Variants in CNTNAP5 observed in about 807,000 individuals in gnomAD.
CNTNAP5 encodes contactin-associated protein-like 5.
A neutral mutation model predicts 150.2 loss-of-function variants in CNTNAP5; 72 were observed. The observed-to-expected ratio is 0.48, with a 90% CI of 0.40 to 0.58. The LOEUF (loss-of-function observed/expected upper bound fraction) is 0.58. CNTNAP5 is among the 20% of genes least tolerant of loss of function. The pLI is 0.00. For synonymous variants in CNTNAP5, 672 were observed against 619.8 expected, an observed-to-expected ratio of 1.08 and a Z score of -1.25; for missense variants, 1,636 against 1,626.2, an observed-to-expected ratio of 1.01 and a Z score of -0.10.
chr2:124,187,762 T>G (rs747005515), intron 1 of CNTNAP5, among the ~76,000 whole-genome samples: 1 of 152,244 alleles, frequency 6.6e-6, no homozygotes. Flanking sequence ...TTTTTAGAGC[T>G]GATTCTGCTT....
At chr2:124,732,398 A>C (rs1377717146) in intron 13 of CNTNAP5, among the ~76,000 whole-genome samples, 4 of 152,144 alleles carry the variant, frequency 2.6e-5, no homozygotes, top group Admixed American at 2.6e-4. Context: ...GTGTGATGGC[A>C]TAAGAAGGTG....
At chr2:124,180,968 T>C (rs1685193487) in intron 1 of CNTNAP5, among the ~76,000 whole-genome samples, 1 of 151,760 alleles carries the variant, frequency 6.6e-6, no homozygotes, top group Non-Finnish European at 1.5e-5. Context: ...AGGTCAGAGA[T>C]ACCCAAGGCC....
intron 1 of CNTNAP5, among the ~76,000 whole-genome samples, chr2:124,103,170 A>T (rs1386433666): frequency 6.6e-6 from 1 of 152,152 alleles, no homozygotes; most frequent in Admixed American, 6.5e-5. Flanking sequence ...AAATAGAAAA[A>T]AGTCTTACAA....
chr2:124,496,715 C>G (rs889300217), intron 7 of CNTNAP5, among the ~76,000 whole-genome samples: 1 of 152,190 alleles, frequency 6.6e-6, no homozygotes, highest in Admixed American at 6.5e-5. Context: ...GGGACAGCCA[C>G]ACCTGACTTA....
intron 21 of CNTNAP5, among the ~76,000 whole-genome samples, chr2:124,887,240 T>G (rs1400306713): frequency 6.6e-6 from 1 of 152,042 alleles, no homozygotes; most frequent in Non-Finnish European, 1.5e-5. Flanking sequence ...AACATTTTGT[T>G]GTCAATATTC....
intron 1 of CNTNAP5, among the ~76,000 whole-genome samples, chr2:124,139,126 T>C (rs549219883): frequency 7.9e-5 from 12 of 152,112 alleles, no homozygotes; most frequent in East Asian, 1.9e-4. Context: ...AGTTTTTTTT[T>C]CCCCCATAAG....
chr2:124,882,140 G>A (rs557510225), intron 21 of CNTNAP5, among the ~76,000 whole-genome samples: 2 of 152,170 alleles, frequency 1.3e-5, no homozygotes, highest in African/African-American at 4.8e-5. Context: ...TGGACCCAGG[G>A]CTTTGAATGC....
chr2:124,658,762 TAAAC>T (rs1678512084), intron 13 of CNTNAP5, among the ~76,000 whole-genome samples: 1 of 152,230 alleles, frequency 6.6e-6, no homozygotes, highest in African/African-American at 2.4e-5. Flanking sequence ...ATTTTCTTTA[TAAAC>T]AAACATATTT....
At chr2:124,409,985 C>A (rs569256637) in intron 3 of CNTNAP5, among the ~76,000 whole-genome samples, 1 of 150,262 alleles carries the variant, frequency 6.7e-6, no homozygotes, top group African/African-American at 2.4e-5. Flanking sequence ...TCAGGGAACC[C>A]ATCTCACGTG....
At chr2:124,730,438 G>T (rs1680246849) in intron 13 of CNTNAP5, among the ~76,000 whole-genome samples, 1 of 151,878 alleles carries the variant, frequency 6.6e-6, no homozygotes, top group Non-Finnish European at 1.5e-5. Flanking sequence ...ATGCTGGCAT[G>T]TAATGACTAC....
intron 6 of CNTNAP5, among the ~76,000 whole-genome samples, chr2:124,451,685 G>C (rs1692985166): frequency 6.6e-6 from 1 of 152,026 alleles, no homozygotes; most frequent in South Asian, 2.1e-4. Context: ...GCTTCTGCAG[G>C]ACCCAGGAGG....
At chr2:124,612,252 AAAT>A (rs1677400176) in intron 12 of CNTNAP5, among the ~76,000 whole-genome samples, 2 of 152,314 alleles carry the variant, frequency 1.3e-5, no homozygotes, top group African/African-American at 4.8e-5. Flanking sequence ...AGACATTTTA[AAAT>A]GAATGTTTAT....
intron 3 of CNTNAP5, among the ~76,000 whole-genome samples, chr2:124,250,722 G>T (rs1687149868): frequency 6.6e-6 from 1 of 151,848 alleles, no homozygotes; most frequent in Non-Finnish European, 1.5e-5. Context: ...CGAGGCCCCA[G>T]GTGTCTACCT....
chr2:124,518,781 G>T (rs1157645472), intron 8 of CNTNAP5, among the ~76,000 whole-genome samples: 7 of 151,928 alleles, frequency 4.6e-5, no homozygotes, highest in African/African-American at 1.5e-4. Flanking sequence ...GAGGTCAGGA[G>T]TTCAAGACCA....
intron 4 of CNTNAP5, among the ~76,000 whole-genome samples, chr2:124,418,867 G>T (rs547912724): frequency 6.6e-6 from 1 of 151,990 alleles, no homozygotes; most frequent in Non-Finnish European, 1.5e-5. Flanking sequence ...GGGCGCGGTG[G>T]CTCACGCCTG....
chr2:124,093,940 G>A (rs1242432209), intron 1 of CNTNAP5, among the ~76,000 whole-genome samples: 1 of 152,206 alleles, frequency 6.6e-6, no homozygotes, highest in Non-Finnish European at 1.5e-5. Context: ...AAATAATGAG[G>A]CACAACGTAT....
chr2:124,869,608 G>A lies in CNTNAP5; in HGVS notation c.3349-67G>A, dbSNP rs1270436867. On this transcript the variant is annotated intron_variant, in intron 20 of 23. Transcript: ENST00000682447. Reference sequence around the variant, plus strand: ...GCATTTTTTCAAGCTATTTCCAGATGGGATCGTTTTATGCTTCTTACCTGC... The same window carrying A: ...GCATTTTTTCAAGCTATTTCCAGATAGGATCGTTTTATGCTTCTTACCTGC... The A allele has an allele frequency of 4.0e-6, 4 of 996,492 alleles. No homozygotes were observed. The African/African-American group carries it at 4.8e-5, about 12-fold the overall frequency. 61.7% of individuals were successfully genotyped at this position (996,492 alleles called of 1,614,324 possible). A position where few individuals can be genotyped will look rare whatever the true frequency, so the allele number is the denominator to read the frequency against.
chr2:124,280,310 G>A (rs1687982264), intron 3 of CNTNAP5, among the ~76,000 whole-genome samples: 1 of 151,860 alleles, frequency 6.6e-6, no homozygotes, highest in Non-Finnish European at 1.5e-5. Flanking sequence ...TGAGATTACA[G>A]GCGCCCATCA....
chr2:124,236,710 AAT>A (rs1373015279), intron 2 of CNTNAP5, among the ~76,000 whole-genome samples: 1 of 152,158 alleles, frequency 6.6e-6, no homozygotes, highest in Non-Finnish European at 1.5e-5. Context: ...AATTTGTGAG[AAT>A]ATGCTTGTAG....
Sources: allele counts gnomAD v4.1 joint callset (sites outside exome capture counted in the v4.1 genomes callset), GRCh38; gene constraint gnomAD v4.1.1; transcripts MANE v1.5; gene names NCBI Gene and HGNC (gene_info 2026-07-23, HGNC 2026-07-21).